The following WBP1L variants were observed in gnomAD, a reference collection of about 807,000 sequenced individuals.
WBP1L encodes the protein WW domain binding protein 1-like.
In WBP1L, 17 loss-of-function variants were observed where a neutral mutation model predicts 33.7. That is an observed-to-expected ratio of 0.50 (90% CI 0.34 to 0.76). WBP1L has a LOEUF of 0.76. Among genes scored for constraint, WBP1L ranks in the 30% least tolerant of loss-of-function variants. The pLI, the probability that WBP1L is intolerant of heterozygous loss-of-function variation, is 0.01. For synonymous variants in WBP1L, 173 were observed against 190.8 expected (o/e 0.91, Z 0.77); for missense variants, 389 against 469.4 (o/e 0.83, Z 1.58).
intron 1 of WBP1L, chr10:102,776,162 A>G: frequency 7.0e-7 from 1 of 1,419,792 alleles, no homozygotes; most frequent in Non-Finnish European, 9.2e-7. Context: ...GAGATATGTC[A>G]CGAGAAGGTG....
Position 102,760,029 on chromosome 10 carries a change from C to T in WBP1L, c.90+15886C>T, listed in dbSNP as rs1328583111. Among the ~76,000 whole-genome samples, 3 of 152,130 alleles carry T rather than the reference C, an allele frequency of 2.0e-5. No homozygotes were observed. In the East Asian group the frequency reaches 5.8e-4, roughly 29 times the overall value. On this transcript the variant is annotated intron_variant, in intron 1 of 3. Coordinates refer to ENST00000448841, the MANE Select transcript of WBP1L (RefSeq NM_001083913.2). ...TTCTCCAACACTTGTTATGGTCTGC[C>T]TTTTTAATTACAGCCATGCTAGTGG...
intron 2 of WBP1L, among the ~76,000 whole-genome samples, chr10:102,806,012 C>A (rs1048038214): frequency 1.3e-5 from 2 of 151,194 alleles, no homozygotes; most frequent in African/African-American, 2.4e-5. Flanking sequence ...ACCAGCCTGG[C>A]CAACATGGTG....
chr10:102,760,223 A>G (rs1035748769), intron 1 of WBP1L, among the ~76,000 whole-genome samples: 1 of 152,134 alleles, frequency 6.6e-6, no homozygotes, highest in African/African-American at 2.4e-5. Flanking sequence ...AGCTCTTCCC[A>G]GTGAGTGATG....
At chr10:102,758,277 T>A (rs1355729577) in intron 1 of WBP1L, among the ~76,000 whole-genome samples, 1 of 152,118 alleles carries the variant, frequency 6.6e-6, no homozygotes, top group African/African-American at 2.4e-5. Flanking sequence ...GTTTTTAATA[T>A]ATCCACAAGG....
intron 1 of WBP1L, among the ~76,000 whole-genome samples, chr10:102,764,334 G>A (rs925794440): frequency 3.3e-5 from 5 of 152,196 alleles, no homozygotes; most frequent in Non-Finnish European, 7.3e-5. Flanking sequence ...CTGTGATGGG[G>A]CATGGATGCT....
intron 1 of WBP1L, among the ~76,000 whole-genome samples, chr10:102,794,459 A>G (rs1843545706): frequency 6.6e-6 from 1 of 151,974 alleles, no homozygotes. Flanking sequence ...AGCTTGGGCA[A>G]CAGAGTGAGA....
intron 2 of WBP1L, among the ~76,000 whole-genome samples, chr10:102,804,269 T>C (rs1010790933): frequency 6.6e-6 from 1 of 151,478 alleles, no homozygotes; most frequent in Non-Finnish European, 1.5e-5. Flanking sequence ...ATGCCTGTAG[T>C]TCCAGCTACT....
chr10:102,767,095 G>A (rs890799503), intron 1 of WBP1L, among the ~76,000 whole-genome samples: 1 of 152,110 alleles, frequency 6.6e-6, no homozygotes, highest in Non-Finnish European at 1.5e-5. Context: ...AACAAACAAG[G>A]CTACTTTGTA....
chr10:102,801,916 TC>T (rs1244512262), intron 2 of WBP1L, among the ~76,000 whole-genome samples: 3 of 69,672 alleles, frequency 4.3e-5, no homozygotes, highest in Non-Finnish European at 7.8e-5. Context: ...ACTCTTCCTC[TC>T]CCCTCCCTCC....
In WBP1L at chr10:102,813,137, G is replaced by A; in HGVS notation, c.898G>A (p.Gly300Arg). ...FNTLIDDALD[G>R]PLDFCDSCHV... ...CACACTCATCGATGATGCTCTGGAT[G>A]GGCCCCTGGACTTCTGCGACAGCTG... Residue 300 changes from glycine (G) to arginine (R), a missense_variant, in exon 4 of 4, where the codon GGG (glycine) becomes AGG (arginine). Physicochemically the swap from Gly to Arg is moderately radical, Grantham distance 125. Coordinates refer to ENST00000448841, the MANE Select transcript of WBP1L (RefSeq NM_001083913.2). 1 of 1,614,060 alleles carries A rather than the reference G, an allele frequency of 6.2e-7. No individual in the cohort carries two copies. Among genetic ancestry groups the A allele is most frequent in the East Asian group, 2.2e-5 (1 of 44,872 alleles).
At chr10:102,809,863 CCTCT>C in intron 2 of WBP1L, 26 bp from the exon 3 acceptor site, 1 of 1,592,382 alleles carries the variant, frequency 6.3e-7, no homozygotes, top group Non-Finnish European at 8.6e-7. Flanking sequence ...TCACTGTGTG[CCTCT>C]CTGTCTTGCC....
intron 1 of WBP1L, among the ~76,000 whole-genome samples, chr10:102,788,254 G>A (rs1015616245): frequency 1.2e-4 from 18 of 150,180 alleles, no homozygotes; most frequent in Admixed American, 2.0e-4. Flanking sequence ...TCAGCCTCCC[G>A]AGTAGCTACC....
chr10:102,771,619 C>T (rs376046685), intron 1 of WBP1L, among the ~76,000 whole-genome samples: 58 of 152,030 alleles, frequency 3.8e-4, no homozygotes, highest in Non-Finnish European at 7.6e-4. Flanking sequence ...ACCAGCCTGG[C>T]CAACATGGTG....
chr10:102,755,325 T>C (rs1404536604), intron 1 of WBP1L, among the ~76,000 whole-genome samples: 1 of 152,062 alleles, frequency 6.6e-6, no homozygotes, highest in East Asian at 1.9e-4. Flanking sequence ...GGCATAGTCA[T>C]AGTGCACGGC....
At chr10:102,750,718 G>C (rs891013574) in intron 1 of WBP1L, among the ~76,000 whole-genome samples, 3 of 151,734 alleles carry the variant, frequency 2.0e-5, no homozygotes, top group African/African-American at 7.3e-5. Context: ...AGCCAGGATG[G>C]TCTCGATCTC....
Position 102,768,382 on chromosome 10 carries a change from T to G in WBP1L, c.90+24239T>G, listed in dbSNP as rs1181727556. On this transcript the variant is annotated intron_variant, in intron 1 of 3. Transcript: ENST00000448841. ...GGCATTAGTTTTTTGTTTTTTTTTT[T>G]TTTTTTTTTTTTTTGAGACGGAGTC... Among the ~76,000 whole-genome samples the G allele has an allele frequency of 1.3e-4, 2 of 15,506 alleles. 1 individual carries two copies. Among genetic ancestry groups the G allele is most frequent in the Non-Finnish European group, 2.2e-4 (2 of 9,280 alleles). 10.2% of individuals were successfully genotyped at this position (15,506 alleles called of 152,430 possible). A position where few individuals can be genotyped will look rare whatever the true frequency, so the allele number is the denominator to read the frequency against.
chr10:102,749,418 A>G (rs1842902372), intron 1 of WBP1L, among the ~76,000 whole-genome samples: 1 of 150,960 alleles, frequency 6.6e-6, no homozygotes, highest in African/African-American at 2.4e-5. Flanking sequence ...TTGTTGGTGC[A>G]TGCCACCACA....
At position 102,770,512 on chromosome 10, in the gene WBP1L, G is replaced by A. The variant is rs145698994; in HGVS notation, c.90+26369G>A. Reference sequence around the variant, plus strand: ...CCCTAGACCTTCAGCCCTAGTCGCCGTCAGCCTCAGTTGACCAGATGGCAA... The same window carrying A: ...CCCTAGACCTTCAGCCCTAGTCGCCATCAGCCTCAGTTGACCAGATGGCAA... On this transcript the variant is annotated intron_variant, in intron 1 of 3. Transcript: ENST00000448841. Among the ~76,000 whole-genome samples, 425 of 152,258 alleles carry A rather than the reference G, an allele frequency of 2.8e-3. 2 individuals carry two copies. The highest frequency in any genetic ancestry group is 4.9e-3 in the Non-Finnish European group (334 of 68,028).
rs758200443 is a variant in WBP1L, at chr10:102,810,048, T to C, written c.349T>C (p.Tyr117His). The C allele has an allele frequency of 6.2e-7, 1 of 1,610,984 alleles. No homozygotes were observed. Among genetic ancestry groups the C allele is most frequent in the Admixed American group, 1.7e-5 (1 of 59,682 alleles). Reference sequence around the variant, plus strand: ...CCACAATTACTCAGCGCTGCCATTTTATTTCAGTACGTACACCCAAGCCCC... The same window carrying C: ...CCACAATTACTCAGCGCTGCCATTTCATTTCAGTACGTACACCCAAGCCCC... ...EAHNYSALPF[Y>H]FRFLPNYLLP... The change falls in exon 3 of 4, where the codon TAT becomes CAT. Residue 117 changes from tyrosine (Y) to histidine (H), a missense_variant. Transcript: ENST00000448841.
Sources: gnomAD v4.1 joint callset for allele counts (sites outside exome capture counted in the v4.1 genomes callset) on GRCh38, gnomAD v4.1.1 for gene constraint, MANE v1.5 for transcripts, NCBI Gene and HGNC (gene_info 2026-07-23, HGNC 2026-07-21) for gene names.